The following CREB5 variants were observed in gnomAD, a reference collection of about 807,000 sequenced individuals.
CREB5 encodes the protein cAMP responsive element binding protein 5, also known as cyclic AMP-responsive element-binding protein 5.
CREB5 carries 19 observed loss-of-function variants against 57.1 expected under a neutral mutation model. The ratio of observed to expected loss-of-function variants is 0.33; its 90% CI spans 0.23 to 0.49. The LOEUF (loss-of-function observed/expected upper bound fraction) is 0.49, where lower values mean the gene tolerates loss of function less well. CREB5 is among the 20% of genes least tolerant of loss of function. The pLI is 0.99. For missense variants in CREB5, 579 were observed against 671.6 expected, an observed-to-expected ratio of 0.86 and a Z score of 1.52; for synonymous variants, 238 against 238.3, an observed-to-expected ratio of 1.00 and a Z score of 0.01.
chr7:28,339,992 TGTG>T (rs956776683), intron 1 of CREB5, among the ~76,000 whole-genome samples: 14 of 152,260 alleles, frequency 9.2e-5, no homozygotes, highest in African/African-American at 3.4e-4. Context: ...TTAGTTAACT[TGTG>T]GTGAATAATG....
At chr7:28,634,942 A>G (rs534098265) in intron 5 of CREB5, among the ~76,000 whole-genome samples, 34 of 152,340 alleles carry the variant, frequency 2.2e-4, no homozygotes, top group Non-Finnish European at 3.8e-4. Flanking sequence ...TAACGAAAAA[A>G]TCCCAACAAC....
intron 4 of CREB5, among the ~76,000 whole-genome samples, chr7:28,536,857 G>A (rs553424260): frequency 1.5e-4 from 23 of 152,270 alleles, no homozygotes; most frequent in African/African-American, 4.3e-4. Flanking sequence ...AGCCCAGGAC[G>A]GTTAAGTTAC....
intron 1 of CREB5, among the ~76,000 whole-genome samples, chr7:28,324,083 C>T (rs755050428): frequency 1.9e-4 from 29 of 152,278 alleles, no homozygotes; most frequent in Non-Finnish European, 3.2e-4. Flanking sequence ...TTTGGTCACT[C>T]GCCCACCGCT....
At chr7:28,420,974 T>A (rs1439490844) in intron 1 of CREB5, among the ~76,000 whole-genome samples, 1 of 152,222 alleles carries the variant, frequency 6.6e-6, no homozygotes, top group African/African-American at 2.4e-5. Flanking sequence ...CACTTTAATT[T>A]TTTTTTAATT....
chr7:28,804,063 T>C (rs985394828), intron 7 of CREB5, 136 bp from the exon 8 acceptor site: 7 of 760,536 alleles, frequency 9.2e-6, no homozygotes, highest in Non-Finnish European at 1.5e-5. Context: ...GGTAGCAAGA[T>C]AGCTACTGGT....
At chr7:28,572,625 C>T (rs1795747697) in intron 5 of CREB5, among the ~76,000 whole-genome samples, 1 of 152,210 alleles carries the variant, frequency 6.6e-6, no homozygotes, top group Non-Finnish European at 1.5e-5. Context: ...CCACCCCCCA[C>T]CAACTACCCT....
At chr7:28,451,862 A>G (rs889921979) in intron 1 of CREB5, among the ~76,000 whole-genome samples, 10 of 152,162 alleles carry the variant, frequency 6.6e-5, no homozygotes, top group African/African-American at 2.4e-4. Context: ...CTGAGCTCAC[A>G]TTCTTGAATA....
intron 7 of CREB5, among the ~76,000 whole-genome samples, chr7:28,742,687 C>T (rs1804441560): frequency 1.3e-5 from 2 of 152,176 alleles, no homozygotes; most frequent in South Asian, 4.1e-4. Flanking sequence ...TTCATGATTT[C>T]TTAAAACATA....
chr7:28,722,590 C>T (rs1483339260), intron 6 of CREB5, among the ~76,000 whole-genome samples: 1 of 152,010 alleles, frequency 6.6e-6, no homozygotes, highest in Non-Finnish European at 1.5e-5. Context: ...TTGTGTTTTA[C>T]CACAATGAAA....
intron 1 of CREB5, among the ~76,000 whole-genome samples, chr7:28,437,346 C>G (rs1789000895): frequency 1.3e-5 from 2 of 152,018 alleles, no homozygotes; most frequent in Admixed American, 1.3e-4. Flanking sequence ...GTTGCAGAGC[C>G]AGGATTCACT....
chr7:28,586,471 T>C (rs990230711), intron 5 of CREB5, among the ~76,000 whole-genome samples: 12 of 152,232 alleles, frequency 7.9e-5, no homozygotes, highest in Non-Finnish European at 1.2e-4. Context: ...GCCAGGCCTC[T>C]GGACAGCCCC....
At chr7:28,463,383 C>CT (rs1790431385) in intron 1 of CREB5, among the ~76,000 whole-genome samples, 1 of 152,100 alleles carries the variant, frequency 6.6e-6, no homozygotes, top group South Asian at 2.1e-4. Flanking sequence ...AACTTTGTTC[C>CT]TTTTCAAGAT....
At chr7:28,506,017 T>C (rs1000143157) in intron 3 of CREB5, among the ~76,000 whole-genome samples, 26 of 152,168 alleles carry the variant, frequency 1.7e-4, no homozygotes, top group African/African-American at 6.0e-4. Context: ...ATGCTCTCTG[T>C]GAAATGCAAG....
rs376674153 is a variant in CREB5 at position 28,581,411 on chromosome 7, A to G, written c.464+10874A>G. Among the ~76,000 whole-genome samples, 13 of 152,338 alleles carry G rather than the reference A, an allele frequency of 8.5e-5. No homozygotes were observed. In the East Asian group the frequency reaches 1.5e-3, roughly 18 times the overall value. ...GTGAAAAGGCTCACCAAGCCATTAA[A>G]GAGAAAAGAGTATGACAAGACATTC... On this transcript the variant is annotated intron_variant, in intron 5 of 10. Coordinates refer to ENST00000357727, the MANE Select transcript of CREB5 (RefSeq NM_182898.4).
At chr7:28,341,986 A>G (rs1785945951) in intron 1 of CREB5, among the ~76,000 whole-genome samples, 1 of 152,182 alleles carries the variant, frequency 6.6e-6, no homozygotes. Flanking sequence ...GCCATTTGGA[A>G]ATCAGGAGCT....
intron 1 of CREB5, among the ~76,000 whole-genome samples, chr7:28,459,606 G>A (rs376998284): frequency 1.9e-4 from 29 of 152,090 alleles, no homozygotes; most frequent in Non-Finnish European, 4.4e-5. Context: ...GCTTCAGCCC[G>A]AGGCAGATGG....
intron 5 of CREB5, among the ~76,000 whole-genome samples, chr7:28,672,021 G>T (rs1182515774): frequency 6.6e-6 from 1 of 151,994 alleles, no homozygotes; most frequent in Non-Finnish European, 1.5e-5. Context: ...ACCTTAAAAA[G>T]ATTAAAATGG....
chr7:28,697,524 C>T (rs1308789569), intron 5 of CREB5, among the ~76,000 whole-genome samples: 1 of 152,126 alleles, frequency 6.6e-6, no homozygotes, highest in Non-Finnish European at 1.5e-5. Context: ...CCCAGAGGTC[C>T]TTGCAACAAA....
intron 5 of CREB5, among the ~76,000 whole-genome samples, chr7:28,683,088 C>G (rs1021016624): frequency 6.6e-6 from 1 of 152,102 alleles, no homozygotes; most frequent in African/African-American, 2.4e-5. Flanking sequence ...GCCTGTTGGC[C>G]GGGGGCTACT....
Sources: allele counts gnomAD v4.1 joint callset (sites outside exome capture counted in the v4.1 genomes callset), GRCh38; gene constraint gnomAD v4.1.1; transcripts MANE v1.5; gene names NCBI Gene and HGNC (gene_info 2026-07-23, HGNC 2026-07-21).